The following CELF4 variants were observed in gnomAD, a reference collection of about 807,000 sequenced individuals.
CELF4 encodes the protein CUG-BP- and ETR-3-like factor 4.
CELF4 carries 18 observed loss-of-function variants against 59.9 expected under a neutral mutation model. That is an observed-to-expected ratio of 0.30 (90% CI 0.21 to 0.45). CELF4 has a LOEUF of 0.45. CELF4 is among the 20% of genes least tolerant of loss of function. CELF4 has a pLI of 1.00. For synonymous variants in CELF4, 261 were observed against 267.1 expected (o/e 0.98, Z 0.22); for missense variants, 456 against 689.0 (o/e 0.66, Z 3.79).
chr18:37,348,938 G>A (rs2098370664), intron 2 of CELF4, among the ~76,000 whole-genome samples: 1 of 152,118 alleles, frequency 6.6e-6, no homozygotes, highest in Non-Finnish European at 1.5e-5. Flanking sequence ...CCTCTCTCAT[G>A]CCTCCAGGGG....
chr18:37,321,653 C>T (rs2097124095), intron 3 of CELF4, 150 bp downstream of exon 3: 1 of 584,486 alleles, frequency 1.7e-6, no homozygotes, highest in Admixed American at 2.9e-5. Context: ...TCACCCAGAG[C>T]TCCAAAGCTC....
intron 1 of CELF4, among the ~76,000 whole-genome samples, chr18:37,521,396 C>T (rs2099957282): frequency 6.6e-6 from 1 of 152,138 alleles, no homozygotes; most frequent in Non-Finnish European, 1.5e-5. Context: ...ATAGATCATA[C>T]AGGATGGATT....
At position 37,244,567 on chromosome 18, in the gene CELF4, GTT is replaced by G. The variant is rs60413372; in HGVS notation, c.*673_*674del. On this transcript the variant is annotated 3_prime_UTR_variant, in exon 13 of 13. Coordinates refer to ENST00000420428, the MANE Select transcript of CELF4 (RefSeq NM_020180.4). ...AAGCGTTATTTTTCCTTTTTTTGTT[GTT>G]TTTTTTGTTTTTTGTTTTTTTTTTA... is the stretch of plus-strand genomic sequence containing the variant. The G allele has an allele frequency of 6.6e-6, 1 of 151,026 alleles. No individual in the cohort carries two copies. The highest frequency in any genetic ancestry group is 6.6e-5 in the Admixed American group (1 of 15,172). 9.4% of individuals were successfully genotyped at this position (151,026 alleles called of 1,614,324 possible).
At chr18:37,347,807 G>A (rs1390457090) in intron 2 of CELF4, among the ~76,000 whole-genome samples, 1 of 152,176 alleles carries the variant, frequency 6.6e-6, no homozygotes, top group Non-Finnish European at 1.5e-5. Context: ...CCCCTGCAGG[G>A]AGGAAGAGGA....
At chr18:37,387,066 C>T (rs560902935) in intron 2 of CELF4, among the ~76,000 whole-genome samples, 54 of 152,344 alleles carry the variant, frequency 3.5e-4, no homozygotes, top group African/African-American at 1.1e-3. Flanking sequence ...TCCCCAGCCC[C>T]GGCTGGCCTC....
chr18:37,301,513 T>A (rs1273252577), intron 3 of CELF4, among the ~76,000 whole-genome samples: 3 of 152,118 alleles, frequency 2.0e-5, no homozygotes. Context: ...TCTCCCTCCA[T>A]CTGATTGCAC....
intron 2 of CELF4, among the ~76,000 whole-genome samples, chr18:37,470,667 C>T (rs551987058): frequency 3.3e-5 from 5 of 152,096 alleles, no homozygotes; most frequent in African/African-American, 4.8e-5. Flanking sequence ...GTGGGGCCCT[C>T]CTCATGGATC....
Position 37,282,200 on chromosome 18 carries a change from G to A in CELF4, c.449-6957C>T, listed in dbSNP as rs116088021. Among the ~76,000 whole-genome samples the A allele has an allele frequency of 4.4e-3, 673 of 152,178 alleles. 3 individuals are homozygous for A. The highest frequency in any genetic ancestry group is 0.016 in the African/African-American group (650 of 41,522). On this transcript the variant is annotated intron_variant, in intron 3 of 12. Transcript: ENST00000420428. ...CCATGGGAACCCCAGCTGGCAGGAG[G>A]GTGATGCCCACTCCCACCCCTGGGA... is the stretch of plus-strand genomic sequence containing the variant.
intron 2 of CELF4, among the ~76,000 whole-genome samples, chr18:37,478,729 G>A (rs997422965): frequency 1.3e-5 from 2 of 152,218 alleles, no homozygotes; most frequent in African/African-American, 4.8e-5. Flanking sequence ...GGCAAGTTTC[G>A]AAGGCATCAC....
intron 2 of CELF4, among the ~76,000 whole-genome samples, chr18:37,449,267 T>C (rs1294887115): frequency 6.6e-6 from 1 of 152,110 alleles, no homozygotes; most frequent in East Asian, 1.9e-4. Flanking sequence ...TCCTAAGGGA[T>C]GGGGAAGCAT....
At chr18:37,511,594 TCTC>T (rs755410083) in intron 1 of CELF4, among the ~76,000 whole-genome samples, 2 of 151,808 alleles carry the variant, frequency 1.3e-5, no homozygotes, top group Non-Finnish European at 1.5e-5. Flanking sequence ...CAGATGTGAA[TCTC>T]CTCCTGCTGT....
chr18:37,485,262 G>A (rs962986612), intron 2 of CELF4, among the ~76,000 whole-genome samples: 10 of 151,850 alleles, frequency 6.6e-5, no homozygotes, highest in Non-Finnish European at 4.4e-5. Context: ...CCGCTCCGGG[G>A]ACCCGGGACG....
At chr18:37,509,802 T>C (rs1201790135) in intron 1 of CELF4, among the ~76,000 whole-genome samples, 1 of 152,208 alleles carries the variant, frequency 6.6e-6, no homozygotes, top group Non-Finnish European at 1.5e-5. Flanking sequence ...ATATGGTATA[T>C]CCATTCAATG....
At chr18:37,258,470 A>G (rs927348337) in intron 11 of CELF4, among the ~76,000 whole-genome samples, 5 of 152,078 alleles carry the variant, frequency 3.3e-5, no homozygotes, top group Admixed American at 2.6e-4. Context: ...CGCAGATTTC[A>G]CTGCTATAAA....
At chr18:37,487,591 C>G (rs1273758037) in intron 1 of CELF4, among the ~76,000 whole-genome samples, 1 of 152,144 alleles carries the variant, frequency 6.6e-6, no homozygotes, top group Non-Finnish European at 1.5e-5. Flanking sequence ...GTGACGTCGT[C>G]CCTCGTGCTG....
chr18:37,328,354 T>A (rs1262141234), intron 2 of CELF4, among the ~76,000 whole-genome samples: 1 of 152,052 alleles, frequency 6.6e-6, no homozygotes, highest in Non-Finnish European at 1.5e-5. Context: ...AGAGGGAGGA[T>A]AGGCGCTGGC....
At chr18:37,382,414 C>T (rs545439100) in intron 2 of CELF4, among the ~76,000 whole-genome samples, 3 of 152,324 alleles carry the variant, frequency 2.0e-5, no homozygotes, top group Admixed American at 1.3e-4. Context: ...ACACACACAG[C>T]AGGTCCATAA....
chr18:37,430,534 G>T (rs2099642668), intron 2 of CELF4, among the ~76,000 whole-genome samples: 1 of 152,170 alleles, frequency 6.6e-6, no homozygotes, highest in Non-Finnish European at 1.5e-5. Flanking sequence ...AGCCTGCTGG[G>T]GCTTTAAACA....
intron 2 of CELF4, among the ~76,000 whole-genome samples, chr18:37,374,767 G>A (rs1007833974): frequency 1.6e-4 from 24 of 152,180 alleles, no homozygotes; most frequent in African/African-American, 5.8e-4. Context: ...TCCTTACCCA[G>A]CACTGAGTTC....
Sources: allele counts gnomAD v4.1 joint callset (sites outside exome capture counted in the v4.1 genomes callset), GRCh38; gene constraint gnomAD v4.1.1; transcripts MANE v1.5; gene names NCBI Gene and HGNC (gene_info 2026-07-23, HGNC 2026-07-21).